Variants in ARID5A observed in about 807,000 individuals in gnomAD.
The protein encoded by ARID5A is AT-rich interactive domain-containing protein 5A.
A neutral mutation model predicts 30.5 loss-of-function variants in ARID5A; 14 were observed. The observed-to-expected ratio is 0.46, with a 90% confidence interval of 0.30 to 0.72. The LOEUF (loss-of-function observed/expected upper bound fraction) is 0.72. Ranked by LOEUF, ARID5A falls within the 30% of genes least tolerant of loss-of-function variation. The probability of loss-of-function intolerance (pLI) is 0.07; values close to 1 mark genes in which losing one functional copy is unlikely to be tolerated. For missense variants in ARID5A, 669 were observed against 786.2 expected, an observed-to-expected ratio of 0.85 and a Z score of 1.78; for synonymous variants, 338 against 340.4, an observed-to-expected ratio of 0.99 and a Z score of 0.08.
intron 1 of ARID5A, among the ~76,000 whole-genome samples, chr2:96,545,156 CTTTTT>C (rs35156624): frequency 2.6e-5 from 3 of 116,326 alleles, no homozygotes; most frequent in Non-Finnish European, 3.5e-5. Flanking sequence ...TTTTCTTTTT[CTTTTT>C]TTTTTTTTTT....
Position 96,550,276 on chromosome 2 carries a change from A to C in ARID5A, c.401A>C (p.His134Pro). The change falls in exon 5 of 7, where the codon CAC (histidine) becomes CCC (proline). Residue 134 changes from histidine to proline, a missense_variant. Transcript: ENST00000357485. This position sits in a 1 kb window ranked among gnomAD's most constrained non-coding sequence, Gnocchi z 6.6. ...AGCGCGGCCACGTGCACGCGCCGCC[A>C]CTACGAGAGGTACGGCGGGGCGGGC... ...STSAATCTRR[H>P]YERLVLPYVR... is the part of the protein sequence containing the mutation. The C allele has an allele frequency of 1.4e-6, 2 of 1,465,040 alleles. No individual in the cohort carries two copies. Among genetic ancestry groups the C allele is most frequent in the Non-Finnish European group, 1.8e-6 (2 of 1,115,468 alleles). 90.8% of individuals were successfully genotyped at this position (1,465,040 alleles called of 1,614,324 possible). A position where few individuals can be genotyped will look rare whatever the true frequency, so the allele number is the denominator to read the frequency against.
chr2:96,545,161 T>C (rs1475439842), intron 1 of ARID5A, among the ~76,000 whole-genome samples: 12 of 147,004 alleles, frequency 8.2e-5, no homozygotes, highest in African/African-American at 3.0e-4. Flanking sequence ...TTTTTCTTTT[T>C]TTTTTTTTTT....
At position 96,551,990 on chromosome 2, in the gene ARID5A, C is replaced by T. The variant is rs747317652; in HGVS notation, c.1462C>T (p.Leu488=). The change falls in exon 7 of 7, where the codon CTG becomes TTG. Residue 488 remains leucine (L), a synonymous_variant. Coordinates refer to ENST00000357485, the MANE Select transcript of ARID5A (RefSeq NM_212481.3). ...PAGSGLVSCL[L]GPALGPVPPE... The stretch of plus-strand genomic sequence containing the variant: ...AGGGTCCGGCCTGGTCTCCTGCCTT[C>T]TGGGCCCAGCCCTGGGGCCTGTGCC... 5.3e-6 allele frequency: 8 copies of T among 1,519,250 alleles called. No homozygotes were observed. The highest frequency in any genetic ancestry group is 5.3e-6 in the Non-Finnish European group (6 of 1,134,576). 94.1% of individuals were successfully genotyped at this position (1,519,250 alleles called of 1,614,324 possible).
In ARID5A at chr2:96,552,521, C is replaced by CA. The variant is rs2066075455; in HGVS notation, c.*209dup. 6.5e-7 allele frequency: 1 copy of CA among 1,533,154 alleles called. No individual in the cohort carries two copies. Among genetic ancestry groups the CA allele is most frequent in the African/African-American group, 1.4e-5 (1 of 73,026 alleles). 95.0% of individuals were successfully genotyped at this position (1,533,154 alleles called of 1,614,324 possible). A position where few individuals can be genotyped will look rare whatever the true frequency, so the allele number is the denominator to read the frequency against. On this transcript the variant is annotated 3_prime_UTR_variant, in exon 7 of 7. Transcript: ENST00000357485. ...AGCCTGAGCCCAGGAGCAGAGGACCCAGTTGTTATAAGGCGCTGGGAGAGG... is the reference window on the plus strand; with the variant it reads ...AGCCTGAGCCCAGGAGCAGAGGACCCAAGTTGTTATAAGGCGCTGGGAGAGG...
intron 1 of ARID5A, among the ~76,000 whole-genome samples, chr2:96,538,650 T>C (rs1450846186): frequency 2.0e-5 from 3 of 152,150 alleles, no homozygotes; most frequent in Non-Finnish European, 4.4e-5. Context: ...GGCTGCCGAG[T>C]GGACCGGCCG....
intron 1 of ARID5A, among the ~76,000 whole-genome samples, chr2:96,544,904 A>G (rs1042880929): frequency 2.0e-5 from 3 of 152,194 alleles, no homozygotes; most frequent in African/African-American, 7.2e-5. Context: ...ATATCCAAGC[A>G]TTTGGGAGAA....
chr2:96,549,900 TC>T lies in ARID5A; in HGVS notation c.312+99del, dbSNP rs2065995934. 9 of 1,546,094 alleles carry T rather than the reference TC, an allele frequency of 5.8e-6. No individual in the cohort carries two copies. Among genetic ancestry groups the T allele is most frequent in the Non-Finnish European group, 7.9e-6 (9 of 1,143,954 alleles). On this transcript the variant is annotated intron_variant, in intron 4 of 6. Coordinates refer to ENST00000357485, the MANE Select transcript of ARID5A (RefSeq NM_212481.3). The surrounding 1 kb of genome is among the most constrained non-coding windows in gnomAD (Gnocchi z 6.1). ...CCTCTGGACAGAGGAAGAGCCAGGA[TC>T]CCCAGTCCTACCCCTGCGTCCCTGC...
chr2:96,552,167 A>G lies in ARID5A; in HGVS notation c.1639A>G (p.Met547Val), dbSNP rs923998170. ...HFLATAGPSP[M>V]AAGLMHFPPT... ...CCTGGCCACCGCAGGCCCCTCGCCC[A>G]TGGCCGCTGGCCTGATGCACTTCCC... The change falls in exon 7 of 7, where the codon ATG becomes GTG. Residue 547 changes from methionine (M) to valine (V), a missense_variant. Physicochemically the swap from Met to Val is conservative, Grantham distance 21. Around this residue, in one of 4 missense-constraint regions of ARID5A, gnomAD observed 548 missense variants for 577.4 expected, o/e 0.95. Transcript: ENST00000357485. 1.2e-6 allele frequency: 2 copies of G among 1,613,258 alleles called. No homozygotes were observed. The highest frequency in any genetic ancestry group is 1.1e-5 in the South Asian group (1 of 91,050).
In ARID5A at chr2:96,549,129, C is replaced by T. The variant is rs541454388; in HGVS notation, c.121-192C>T. 1.7e-3 allele frequency among the ~76,000 whole-genome samples: 263 copies of T among 152,316 alleles called. 1 individual carries two copies. The highest frequency in any genetic ancestry group is 2.7e-3 in the Non-Finnish European group (186 of 68,024). ...CTGGACTCTAGCTCCTGTCCTGGGG[C>T]GCTGAGAGCTGACACCTGTGTCTGC... On this transcript the variant is annotated intron_variant, in intron 2 of 6. Transcript: ENST00000357485. This position sits in a 1 kb window ranked among gnomAD's most constrained non-coding sequence, Gnocchi z 6.1.
At position 96,550,379 on chromosome 2, in the gene ARID5A, G is replaced by A; in HGVS notation, c.410+94G>A. 2 of 1,428,726 alleles carry A rather than the reference G, an allele frequency of 1.4e-6. No homozygotes were observed. The highest frequency in any genetic ancestry group is 1.5e-5 in the South Asian group (1 of 66,664). The allele number at this position is 1,428,726 out of a possible 1,614,324, so 88.5% of individuals were successfully genotyped here. ...GGGCCGGGTGGACTCTGCCCGGAGCGGGCAGGGTATGCGCCGTCCTCAGAG... is the reference window on the plus strand; with the variant it reads ...GGGCCGGGTGGACTCTGCCCGGAGCAGGCAGGGTATGCGCCGTCCTCAGAG... On this transcript the variant is annotated intron_variant, in intron 5 of 6. Coordinates refer to ENST00000357485, the MANE Select transcript of ARID5A (RefSeq NM_212481.3). This position sits in a 1 kb window ranked among gnomAD's most constrained non-coding sequence, Gnocchi z 6.6.
Position 96,539,354 on chromosome 2 carries a change from C to T in ARID5A, c.4+2524C>T, listed in dbSNP as rs892156748. Among the ~76,000 whole-genome samples the T allele has an allele frequency of 6.6e-6, 1 of 152,216 alleles. No individual in the cohort carries two copies. The highest frequency in any genetic ancestry group is 2.4e-5 in the African/African-American group (1 of 41,462). ...TGGCAGGGCAGGGGCCCACTGACTT[C>T]CCCGCATCCACCCACTGCCTGGCCC... On this transcript the variant is annotated intron_variant, in intron 1 of 6. Coordinates refer to ENST00000357485, the MANE Select transcript of ARID5A (RefSeq NM_212481.3). This position sits in a 1 kb window ranked among gnomAD's most constrained non-coding sequence, Gnocchi z 4.7.
rs1251392112 is a variant in ARID5A at position 96,547,423 on chromosome 2, G to A, written c.26G>A (p.Arg9Lys). 1 of 1,613,940 alleles carries A rather than the reference G, an allele frequency of 6.2e-7. No individual in the cohort carries two copies. The highest frequency in any genetic ancestry group is 8.5e-7 in the Non-Finnish European group (1 of 1,179,954). Residue 9 changes from arginine (R) to lysine (K), a missense_variant, in exon 2 of 7, where the codon AGG (arginine) becomes AAG (lysine). Coordinates refer to ENST00000357485, the MANE Select transcript of ARID5A (RefSeq NM_212481.3). ...GCAGCAGCCCCTGTCAAAGGGAACA[G>A]GAAGCAGTCCACGGAGGGTGACGCC... The part of the protein sequence containing the change: MAAPVKGN[R>K]KQSTEGDALD...
intron 2 of ARID5A, among the ~76,000 whole-genome samples, chr2:96,548,156 G>A (rs2065961971): frequency 6.6e-6 from 1 of 152,176 alleles, no homozygotes; most frequent in South Asian, 2.1e-4. Flanking sequence ...TGATATGTGA[G>A]TTCCTATGTT....
rs748064849 is a variant in ARID5A at position 96,551,543 on chromosome 2, A to G, written c.1015A>G (p.Ile339Val). 1 of 1,607,044 alleles carries G rather than the reference A, an allele frequency of 6.2e-7. No homozygotes were observed. Among genetic ancestry groups the G allele is most frequent in the African/African-American group, 1.3e-5 (1 of 74,838 alleles). The change falls in exon 7 of 7, where the codon ATC (isoleucine) becomes GTC (valine). Residue 339 changes from isoleucine to valine, a missense_variant. Around this residue, in one of 4 missense-constraint regions of ARID5A, gnomAD observed 548 missense variants for 577.4 expected, o/e 0.95. Coordinates refer to ENST00000357485, the MANE Select transcript of ARID5A (RefSeq NM_212481.3). ...GGCAGGCCCCTGCCCGGCAGCCCCC[A>G]TCTTCAAGGGCTGCTTCTACACCCA... is the stretch of plus-strand genomic sequence containing the variant. ...AQAGPCPAAP[I>V]FKGCFYTHPT... is the part of the protein sequence containing the mutation.
intron 1 of ARID5A, among the ~76,000 whole-genome samples, chr2:96,545,156 C>CTTTTTTTTTTTTTTTTT (rs35156624): frequency 2.3e-4 from 27 of 116,326 alleles, no homozygotes; most frequent in East Asian, 4.7e-4. Context: ...TTTTCTTTTT[C>CTTTTTTTTTTTTTTTTT]TTTTTTTTTT....
chr2:96,536,871 G>A (rs1260462705), intron 1 of ARID5A, 41 bp downstream of exon 1: 2 of 1,225,680 alleles, frequency 1.6e-6, no homozygotes, highest in Non-Finnish European at 2.0e-6. Context: ...GGGCTCGGCG[G>A]CCCTGCAGGG....
In ARID5A at chr2:96,552,106, C is replaced by T. The variant is rs757569890; in HGVS notation, c.1578C>T (p.Phe526=). 5 of 1,606,266 alleles carry T rather than the reference C, an allele frequency of 3.1e-6. No homozygotes were observed. Among genetic ancestry groups the T allele is most frequent in the Non-Finnish European group, 4.3e-6 (5 of 1,176,284 alleles). The change falls in exon 7 of 7, where the codon TTC becomes TTT. Residue 526 remains phenylalanine (F), a synonymous_variant. Coordinates refer to ENST00000357485, the MANE Select transcript of ARID5A (RefSeq NM_212481.3). ...TGAAGGGCCAGGCTGCACTCCCCTT[C>T]AGCCCCCTGGTCATCCCGGCCTTCC... ...GPLKGQAALP[F]SPLVIPAFPA...
Position 96,547,495 on chromosome 2 carries a change from T to C in ARID5A, c.98T>C (p.Ile33Thr). 3 of 1,613,934 alleles carry C rather than the reference T, an allele frequency of 1.9e-6. No homozygotes were observed. Among genetic ancestry groups the C allele is most frequent in the Non-Finnish European group, 2.5e-6 (3 of 1,179,966 alleles). The change falls in exon 2 of 7, where the codon ATC becomes ACC. Residue 33 changes from isoleucine to threonine, a missense_variant. By Grantham distance (89) the Ile-to-Thr change is moderately conservative. Around this residue, in one of 4 missense-constraint regions of ARID5A, gnomAD observed 56 missense variants for 72.8 expected, o/e 0.77. Coordinates refer to ENST00000357485, the MANE Select transcript of ARID5A (RefSeq NM_212481.3). Reference sequence around the variant, plus strand: ...AAACCTGCTGGCAAGCAGAACGGAATCCAGAACCCCATCTCGCTGGAGGTG... The same window carrying C: ...AAACCTGCTGGCAAGCAGAACGGAACCCAGAACCCCATCTCGCTGGAGGTG... ...SPKPAGKQNG[I>T]QNPISLEDSP...
At chr2:96,544,780 A>G (rs916790146) in intron 1 of ARID5A, among the ~76,000 whole-genome samples, 2 of 152,262 alleles carry the variant, frequency 1.3e-5, no homozygotes, top group African/African-American at 4.8e-5. Flanking sequence ...TTTAAGAAAT[A>G]CATTTTGTAA....
Sources: gnomAD v4.1 joint callset for allele counts (sites outside exome capture counted in the v4.1 genomes callset) on GRCh38, gnomAD v4.1.1 for gene constraint, gnomAD v4.1.1 regional missense constraint, Gnocchi (gnomAD v3.1) non-coding constraint, MANE v1.5 for transcripts, NCBI Gene and HGNC (gene_info 2026-07-23, HGNC 2026-07-21) for gene names.